The following ZFYVE21 variants were observed in gnomAD, a reference collection of about 807,000 sequenced individuals.
ZFYVE21 encodes zinc finger FYVE domain-containing protein 21.
A neutral mutation model predicts 29.5 loss-of-function variants in ZFYVE21; 21 were observed. That is an observed-to-expected ratio of 0.71 (90% confidence interval 0.50 to 1.02). ZFYVE21 has a LOEUF of 1.02. Ranked by LOEUF, ZFYVE21 falls within the 50% of genes least tolerant of loss-of-function variation. The pLI is 0.00. For missense variants in ZFYVE21, 326 were observed against 335.4 expected (o/e 0.97, Z 0.22); for synonymous variants, 151 against 133.8 (o/e 1.13, Z -0.89).
intron 6 of ZFYVE21, 110 bp from the exon 7 acceptor site, chr14:103,732,873 C>T (rs2083998228): frequency 1.2e-6 from 2 of 1,601,466 alleles, no homozygotes; most frequent in Admixed American, 1.7e-5. Context: ...ACAACCTGTT[C>T]CCCCTCAGCT....
In ZFYVE21 at chr14:103,733,228, A is replaced by C. The variant is rs1389983892; in HGVS notation, c.*210A>C. On this transcript the variant is annotated 3_prime_UTR_variant, in exon 7 of 7. Transcript: ENST00000311141. Reference sequence around the variant, plus strand: ...TGCTTTAAACAGCTTCATGTTTTAGAATTTGTGTATTGTCAATACTTAATT... The same window carrying C: ...TGCTTTAAACAGCTTCATGTTTTAGCATTTGTGTATTGTCAATACTTAATT... The C allele has an allele frequency of 1.6e-6, 1 of 625,910 alleles. No homozygotes were observed. Among genetic ancestry groups the C allele is most frequent in the African/African-American group, 1.9e-5 (1 of 54,038 alleles). 38.8% of individuals were successfully genotyped at this position (625,910 alleles called of 1,614,324 possible).
chr14:103,727,757 C>T lies in ZFYVE21; in HGVS notation c.201C>T (p.Arg67=), dbSNP rs1423945350. Residue 67 remains arginine, a synonymous_variant, in exon 3 of 7, where the codon CGC becomes CGT. Transcript: ENST00000311141. ...CCGCATCTGCCCAGCACCACTGTCG[C>T]CGCTGCGGGAAGTGCTTCTGCGACA... is the stretch of plus-strand genomic sequence containing the variant. The part of the protein sequence containing the change: ...FDFLTRKHHC[R]RCGKCFCDRC... 1 of 1,608,320 alleles carries T rather than the reference C, an allele frequency of 6.2e-7. No individual in the cohort carries two copies. Among genetic ancestry groups the T allele is most frequent in the Admixed American group, 1.7e-5 (1 of 60,012 alleles).
rs568484142 is a variant in ZFYVE21, at chr14:103,729,537, T to C, written c.526+355T>C. 20 of 585,606 alleles carry C rather than the reference T, an allele frequency of 3.4e-5. No homozygotes were observed. The Admixed American group carries it at 6.5e-4, about 19-fold the overall frequency. The allele number at this position is 585,606 out of a possible 1,614,324, so 36.3% of individuals were successfully genotyped here. A position where few individuals can be genotyped will look rare whatever the true frequency, so the allele number is the denominator to read the frequency against. On this transcript the variant is annotated intron_variant, in intron 5 of 6. Transcript: ENST00000311141. ...GAGATCCCCAAAAAGGTCTGAATGG[T>C]GGCTCATCGGGAGCCAGCACTTCAG...
intron 2 of ZFYVE21, chr14:103,727,371 C>CCCCCCCCCCG: frequency 2.8e-6 from 1 of 353,446 alleles, no homozygotes. Flanking sequence ...CCCCCCGCCC[C>CCCCCCCCCCG]CTCTGCCCCC....
intron 2 of ZFYVE21, 162 bp from the exon 3 acceptor site, chr14:103,727,584 G>GGGGA: frequency 1.2e-6 from 1 of 864,700 alleles, no homozygotes. Context: ...GCTGCGTGGT[G>GGGGA]GGGAGCCCAG....
At chr14:103,726,479 G>C in intron 1 of ZFYVE21, 1 of 325,032 alleles carries the variant, frequency 3.1e-6, no homozygotes, top group Non-Finnish European at 5.8e-6. Flanking sequence ...TGGGTCCAGT[G>C]TGGAGGGACC....
intron 1 of ZFYVE21, chr14:103,725,095 A>G (rs1391319047): frequency 1.3e-5 from 2 of 152,258 alleles, no homozygotes; most frequent in African/African-American, 4.8e-5. Flanking sequence ...CCAGGTCTGA[A>G]TGTCTTCCCC....
At chr14:103,720,096 G>A (rs1029400507) in intron 1 of ZFYVE21, among the ~76,000 whole-genome samples, 2 of 152,144 alleles carry the variant, frequency 1.3e-5, no homozygotes, top group Non-Finnish European at 2.9e-5. Context: ...TTGTCTCTCA[G>A]AGGTGAAGTT....
Position 103,733,555 on chromosome 14 carries a change from G to T in ZFYVE21, c.*537G>T, listed in dbSNP as rs993066626. ...TGATCCTTTGATACTTCACCAAGGG[G>T]AACGTGGGGGCTTTGTGTTTTGTAC... is the stretch of plus-strand genomic sequence containing the variant. On this transcript the variant is annotated 3_prime_UTR_variant, in exon 7 of 7. Coordinates refer to ENST00000311141, the MANE Select transcript of ZFYVE21 (RefSeq NM_024071.4). 2.6e-5 allele frequency: 4 copies of T among 153,400 alleles called. No individual in the cohort carries two copies. In the East Asian group the frequency reaches 7.7e-4, roughly 29 times the overall value. The allele number at this position is 153,400 out of a possible 1,614,324, so 9.5% of individuals were successfully genotyped here. A position where few individuals can be genotyped will look rare whatever the true frequency, so the allele number is the denominator to read the frequency against.
intron 2 of ZFYVE21, chr14:103,727,389 C>G (rs376027230): frequency 1.0e-5 from 4 of 396,264 alleles, no homozygotes; most frequent in East Asian, 6.9e-5. Context: ...CCCTCCGCCC[C>G]GTCCCCGTGC....
chr14:103,726,947 C>CGTTTTTTTTTTTT lies in ZFYVE21; in HGVS notation c.189+106_189+118dup, dbSNP rs34277239. ...AGGGGACGGATGTCATCTTATGGCT[C>CGTTTTTTTTTTTT]GTTTTTTTTTTTTTTGAGACGGAGT... On this transcript the variant is annotated intron_variant, in intron 2 of 6. Transcript: ENST00000311141. 1.7e-3 allele frequency: 1,129 copies of CGTTTTTTTTTTTT among 679,092 alleles called. 8 individuals carry two copies. The highest frequency in any genetic ancestry group is 8.8e-3 in the African/African-American group (314 of 35,824). The allele number at this position is 679,092 out of a possible 1,614,324, so 42.1% of individuals were successfully genotyped here.
rs889942223 is a variant in ZFYVE21 at position 103,728,032 on chromosome 14, C to G, written c.358+118C>G. 2.7e-6 allele frequency: 3 copies of G among 1,093,864 alleles called. No individual in the cohort carries two copies. In the Admixed American group the frequency reaches 8.4e-5, roughly 31 times the overall value. 67.8% of individuals were successfully genotyped at this position (1,093,864 alleles called of 1,614,324 possible). A position where few individuals can be genotyped will look rare whatever the true frequency, so the allele number is the denominator to read the frequency against. On this transcript the variant is annotated intron_variant, in intron 3 of 6. Coordinates refer to ENST00000311141, the MANE Select transcript of ZFYVE21 (RefSeq NM_024071.4). ...CTTCTCTGACGTTCTCTCGCCCTCCCTCCCTTCCCCGTTTTCTTCTGGATT... is the reference window on the plus strand; with the variant it reads ...CTTCTCTGACGTTCTCTCGCCCTCCGTCCCTTCCCCGTTTTCTTCTGGATT...
At chr14:103,718,527 C>A (rs1415049401) in intron 1 of ZFYVE21, among the ~76,000 whole-genome samples, 1 of 152,168 alleles carries the variant, frequency 6.6e-6, no homozygotes, top group Non-Finnish European at 1.5e-5. Flanking sequence ...GCAGGGGAGG[C>A]AGAGGCGGCG....
chr14:103,728,712 T>C, intron 3 of ZFYVE21, 196 bp from the exon 4 acceptor site: 3 of 591,826 alleles, frequency 5.1e-6, no homozygotes, highest in Non-Finnish European at 9.0e-6. Context: ...AGCAGCGCCT[T>C]TGGGTTTACC....
rs374319040 is a variant in ZFYVE21, at chr14:103,732,632, G to A, written c.539G>A (p.Arg180Gln). ...EGFPPGGGNA[R>Q]ATGMFLQYTV... ...CTCTCTCCTCCAGGAGGCAACGCACGGGCCACAGGCATGTTCCTGCAGTAT... is the reference window on the plus strand; with the variant it reads ...CTCTCTCCTCCAGGAGGCAACGCACAGGCCACAGGCATGTTCCTGCAGTAT... The change falls in exon 6 of 7, where the codon CGG becomes CAG. Residue 180 changes from arginine to glutamine, a missense_variant. Physicochemically the swap from Arg to Gln is conservative, Grantham distance 43 (BLOSUM62 1). Coordinates refer to ENST00000311141, the MANE Select transcript of ZFYVE21 (RefSeq NM_024071.4). The A allele has an allele frequency of 1.5e-5, 23 of 1,576,624 alleles. No individual in the cohort carries two copies. Among genetic ancestry groups the A allele is most frequent in the East Asian group, 9.1e-5 (4 of 44,192 alleles).
At chr14:103,718,649 C>T (rs1256480105) in intron 1 of ZFYVE21, among the ~76,000 whole-genome samples, 1 of 152,180 alleles carries the variant, frequency 6.6e-6, no homozygotes, top group Non-Finnish European at 1.5e-5. Context: ...CCGACACTGA[C>T]GCAAGGCAGT....
intron 3 of ZFYVE21, among the ~76,000 whole-genome samples, chr14:103,728,634 T>C (rs1385667454): frequency 6.6e-6 from 1 of 152,088 alleles, no homozygotes; most frequent in Non-Finnish European, 1.5e-5. Context: ...TGGTGATGAA[T>C]TCCCTGCATC....
Position 103,727,857 on chromosome 14 carries a change from C to G in ZFYVE21, c.301C>G (p.Leu101Val). Residue 101 changes from leucine to valine, a missense_variant, in exon 3 of 7, where the codon CTC becomes GTC. Coordinates refer to ENST00000311141, the MANE Select transcript of ZFYVE21 (RefSeq NM_024071.4). Reference sequence around the variant, plus strand: ...CGTGCGGCAGTGCGCGGAGTGCGCCCTCGTGTCCCTCAAGGAGGCGGAGTT... The same window carrying G: ...CGTGCGGCAGTGCGCGGAGTGCGCCGTCGTGTCCCTCAAGGAGGCGGAGTT... ...DPVRQCAECA[L>V]VSLKEAEFYD... 6.2e-7 allele frequency: 1 copy of G among 1,613,276 alleles called. No individual in the cohort carries two copies. The highest frequency in any genetic ancestry group is 1.1e-5 in the South Asian group (1 of 91,078).
Position 103,716,731 on chromosome 14 carries a change from T to A in ZFYVE21, c.138+752T>A, listed in dbSNP as rs2083821838. Among the ~76,000 whole-genome samples, 1 of 152,170 alleles carries A rather than the reference T, an allele frequency of 6.6e-6. No individual in the cohort carries two copies. The highest frequency in any genetic ancestry group is 1.9e-4 in the East Asian group (1 of 5,186). On this transcript the variant is annotated intron_variant, in intron 1 of 6. Transcript: ENST00000311141. The surrounding 1 kb of genome is among the most constrained non-coding windows in gnomAD (Gnocchi z 4.8). Reference sequence around the variant, plus strand: ...CATTGGGGCGTGGGCGTGGGGTCCCTGAGCCAGGCCATCCGCTGGGCCTCC... The same window carrying A: ...CATTGGGGCGTGGGCGTGGGGTCCCAGAGCCAGGCCATCCGCTGGGCCTCC...
Sources: gnomAD v4.1 joint callset for allele counts (sites outside exome capture counted in the v4.1 genomes callset) on GRCh38, gnomAD v4.1.1 for gene constraint, Gnocchi (gnomAD v3.1) non-coding constraint, MANE v1.5 for transcripts, NCBI Gene and HGNC (gene_info 2026-07-23, HGNC 2026-07-21) for gene names.